The following PCSK5 variants were observed in gnomAD, a reference collection of about 807,000 sequenced individuals.
The protein encoded by PCSK5 is prohormone convertase 5.
Under a neutral mutation model 233.2 loss-of-function variants are expected in PCSK5, and 129 were observed. The ratio of observed to expected loss-of-function variants is 0.55; its 90% confidence interval spans 0.48 to 0.64. The LOEUF (loss-of-function observed/expected upper bound fraction) is 0.64. PCSK5 is among the 30% of genes least tolerant of loss of function. PCSK5 has a pLI of 0.00. For missense variants in PCSK5, 2,076 were observed against 2,430.1 expected, an observed-to-expected ratio of 0.85 and a Z score of 3.06; for synonymous variants, 825 against 879.2, an observed-to-expected ratio of 0.94 and a Z score of 1.09.
Position 75,966,221 on chromosome 9 carries a change from C to T in PCSK5, c.298-19911C>T, listed in dbSNP as rs141687482. On this transcript the variant is annotated intron_variant, in intron 2 of 37. Coordinates refer to ENST00000674117, the MANE Select transcript of PCSK5 (RefSeq NM_001372043.1). ...GGTACTCAATACCCCACACTGGAGG[C>T]ATGTCACAAAAAGGAACAATCTCTT... Among the ~76,000 whole-genome samples, 41 of 152,288 alleles carry T rather than the reference C, an allele frequency of 2.7e-4. No homozygotes were observed. In the East Asian group the frequency reaches 7.7e-3, roughly 29 times the overall value.
intron 7 of PCSK5, among the ~76,000 whole-genome samples, chr9:76,093,582 T>TACAC (rs3074176): frequency 1.9e-3 from 288 of 149,930 alleles, no homozygotes; most frequent in African/African-American, 6.5e-3. Context: ...TATATATATA[T>TACAC]ACACACACAC....
At chr9:76,214,784 T>C (rs1251212706) in intron 20 of PCSK5, among the ~76,000 whole-genome samples, 6 of 152,180 alleles carry the variant, frequency 3.9e-5, no homozygotes, top group Non-Finnish European at 7.4e-5. Flanking sequence ...TGAGCCTTGG[T>C]TTCCTCATCT....
intron 12 of PCSK5, among the ~76,000 whole-genome samples, chr9:76,168,465 T>G (rs547089804): frequency 6.6e-6 from 1 of 152,352 alleles, no homozygotes; most frequent in South Asian, 2.1e-4. Context: ...AATATGTTAA[T>G]TTTATACATT....
In PCSK5 at chr9:76,358,893, G is replaced by A. The variant is rs779802539; in HGVS notation, c.5635G>A (p.Asp1879Asn). 6.2e-7 allele frequency: 1 copy of A among 1,612,828 alleles called. No homozygotes were observed. Among genetic ancestry groups the A allele is most frequent in the Admixed American group, 1.7e-5 (1 of 60,006 alleles). Residue 1879 changes from aspartate (D) to asparagine (N), a missense_variant, in exon 38 of 38, where the codon GAT becomes AAT. By Grantham distance (23) the Asp-to-Asn change is conservative (BLOSUM62 1). Around this residue, in one of 6 missense-constraint regions of PCSK5, gnomAD observed 1,510 missense variants for 1,538.1 expected, o/e 0.98. Coordinates refer to ENST00000674117, the MANE Select transcript of PCSK5 (RefSeq NM_001372043.1). ...DDDDIDELEY[D>N]DESYSYYQ Reference sequence around the variant, plus strand: ...CGATGACATAGATGAGCTGGAATATGATGACGAGAGTTACTCCTACTACCA... The same window carrying A: ...CGATGACATAGATGAGCTGGAATATAATGACGAGAGTTACTCCTACTACCA...
chr9:76,069,864 C>T (rs1445251314), intron 6 of PCSK5, among the ~76,000 whole-genome samples: 8 of 150,250 alleles, frequency 5.3e-5, no homozygotes, highest in African/African-American at 1.9e-4. Context: ...TCTTTCTTTG[C>T]TAAGAAACAT....
At chr9:76,261,593 A>G (rs1827176732) in intron 24 of PCSK5, among the ~76,000 whole-genome samples, 1 of 152,234 alleles carries the variant, frequency 6.6e-6, no homozygotes, top group South Asian at 2.1e-4. Context: ...CTCTATGAGA[A>G]CTACAAAACG....
At chr9:76,300,078 A>G (rs1005844708) in intron 27 of PCSK5, among the ~76,000 whole-genome samples, 3 of 152,212 alleles carry the variant, frequency 2.0e-5, no homozygotes, top group Non-Finnish European at 2.9e-5. Flanking sequence ...CATCCTAACA[A>G]TTTATCACTA....
chr9:76,091,274 C>T (rs534229034), intron 7 of PCSK5, among the ~76,000 whole-genome samples: 1 of 152,108 alleles, frequency 6.6e-6, no homozygotes, highest in Non-Finnish European at 1.5e-5. Context: ...CACCTTCTGG[C>T]TGGGTCTTTA....
intron 34 of PCSK5, among the ~76,000 whole-genome samples, chr9:76,335,284 A>G (rs923215149): frequency 1.3e-5 from 2 of 152,214 alleles, no homozygotes; most frequent in Admixed American, 6.5e-5. Context: ...ATTGTTCCAC[A>G]GCGTGTAAAG....
At chr9:75,908,988 T>TATCTATCC (rs1564075168) in intron 1 of PCSK5, among the ~76,000 whole-genome samples, 1 of 139,804 alleles carries the variant, frequency 7.2e-6, no homozygotes, top group Non-Finnish European at 1.6e-5. Context: ...TCTATCTATC[T>TATCTATCC]ATCCGATTTT....
At chr9:76,308,524 C>T in intron 28 of PCSK5, 121 bp from the exon 29 acceptor site, 1 of 687,836 alleles carries the variant, frequency 1.5e-6, no homozygotes, top group Non-Finnish European at 2.6e-6. Flanking sequence ...CATGTACAAT[C>T]AAAAGGATTC....
At chr9:75,913,691 A>T (rs1296242295) in intron 1 of PCSK5, among the ~76,000 whole-genome samples, 1 of 152,236 alleles carries the variant, frequency 6.6e-6, no homozygotes, top group Non-Finnish European at 1.5e-5. Flanking sequence ...CTTCTAGTAC[A>T]CTAGGAGCTA....
chr9:75,904,899 A>G (rs1258739278), intron 1 of PCSK5, among the ~76,000 whole-genome samples: 2 of 152,176 alleles, frequency 1.3e-5, no homozygotes, highest in African/African-American at 4.8e-5. Context: ...AAACAATCCA[A>G]CTGTCTATCA....
chr9:76,292,953 G>A (rs1828322707), intron 25 of PCSK5, among the ~76,000 whole-genome samples: 1 of 152,134 alleles, frequency 6.6e-6, no homozygotes, highest in South Asian at 2.1e-4. Flanking sequence ...GGAGTTTTGT[G>A]ATATACAAAC....
chr9:76,210,161 G>A (rs975384797), intron 20 of PCSK5, among the ~76,000 whole-genome samples: 5 of 152,158 alleles, frequency 3.3e-5, no homozygotes, highest in African/African-American at 1.2e-4. Context: ...CGCCAGTGGT[G>A]AAGCAGGAGA....
intron 5 of PCSK5, among the ~76,000 whole-genome samples, chr9:76,065,016 T>G (rs912645961): frequency 6.6e-6 from 1 of 152,244 alleles, no homozygotes; most frequent in African/African-American, 2.4e-5. Context: ...TGGCTAATAT[T>G]CCATTGTGTA....
intron 20 of PCSK5, among the ~76,000 whole-genome samples, chr9:76,209,856 A>T (rs1203210078): frequency 6.6e-6 from 1 of 152,098 alleles, no homozygotes; most frequent in South Asian, 2.1e-4. Context: ...AACCAAGCAC[A>T]GAAAGAATTA....
At chr9:76,062,165 T>C (rs1206846303) in intron 5 of PCSK5, among the ~76,000 whole-genome samples, 2 of 152,070 alleles carry the variant, frequency 1.3e-5, no homozygotes, top group Non-Finnish European at 2.9e-5. Context: ...ATACAATTGC[T>C]TGAGCCCAGG....
At chr9:76,057,695 T>A (rs1829870126) in intron 5 of PCSK5, among the ~76,000 whole-genome samples, 1 of 152,204 alleles carries the variant, frequency 6.6e-6, no homozygotes, top group Non-Finnish European at 1.5e-5. Context: ...ATGCATGTAA[T>A]CTGTGCAGGG....
Sources: gnomAD v4.1 joint callset for allele counts (sites outside exome capture counted in the v4.1 genomes callset) on GRCh38, gnomAD v4.1.1 for gene constraint, gnomAD v4.1.1 regional missense constraint, MANE v1.5 for transcripts, NCBI Gene and HGNC (gene_info 2026-07-23, HGNC 2026-07-21) for gene names.